Variants in KLHL29 observed in about 807,000 individuals in gnomAD.
The protein encoded by KLHL29 is kelch-like protein 29.
KLHL29 carries 21 observed loss-of-function variants against 80.4 expected under a neutral mutation model. That is an observed-to-expected ratio of 0.26 (90% confidence interval 0.19 to 0.38). The LOEUF is 0.38. Ranked by LOEUF, KLHL29 falls within the 10% of genes least tolerant of loss-of-function variation. KLHL29 has a pLI of 1.00. For missense variants in KLHL29, 867 were observed against 1,223.9 expected (o/e 0.71, Z 4.35); for synonymous variants, 511 against 526.8 (o/e 0.97, Z 0.41).
chr2:23,394,036 C>T (rs1019324521), intron 1 of KLHL29, among the ~76,000 whole-genome samples: 1 of 152,222 alleles, frequency 6.6e-6, no homozygotes, highest in Admixed American at 6.5e-5. Flanking sequence ...GACAAGAGGA[C>T]TCTGTGTCTC....
chr2:23,515,975 T>C (rs923060273), intron 2 of KLHL29, among the ~76,000 whole-genome samples: 7 of 152,224 alleles, frequency 4.6e-5, no homozygotes, highest in Non-Finnish European at 8.8e-5. Flanking sequence ...ATTAAAAAGA[T>C]AAATGAATCA....
intron 3 of KLHL29, among the ~76,000 whole-genome samples, chr2:23,579,841 G>A (rs1667936491): frequency 6.6e-6 from 1 of 152,130 alleles, no homozygotes; most frequent in Admixed American, 6.5e-5. Context: ...TTACATTTCA[G>A]CCAAATATCA....
chr2:23,590,687 C>T (rs1171789583), intron 3 of KLHL29, among the ~76,000 whole-genome samples: 1 of 152,156 alleles, frequency 6.6e-6, no homozygotes, highest in African/African-American at 2.4e-5. Flanking sequence ...GAAGTCCAGG[C>T]CACCTAGAAC....
intron 1 of KLHL29, among the ~76,000 whole-genome samples, chr2:23,414,124 G>A (rs1413750536): frequency 1.3e-5 from 2 of 152,260 alleles, no homozygotes; most frequent in African/African-American, 2.4e-5. Context: ...CATTTCAGAA[G>A]AAAGAGGCTG....
intron 1 of KLHL29, among the ~76,000 whole-genome samples, chr2:23,415,800 G>A (rs1022187269): frequency 6.6e-6 from 1 of 152,082 alleles, no homozygotes; most frequent in East Asian, 1.9e-4. Flanking sequence ...CTGGGCTCAG[G>A]CGATCCTCAC....
chr2:23,472,993 A>G (rs529357538), intron 1 of KLHL29, among the ~76,000 whole-genome samples: 12 of 152,358 alleles, frequency 7.9e-5, no homozygotes, highest in African/African-American at 2.4e-4. Flanking sequence ...AGAAACCATC[A>G]TAGCACAGTG....
intron 2 of KLHL29, among the ~76,000 whole-genome samples, chr2:23,528,888 G>A (rs867931128): frequency 2.0e-5 from 3 of 152,220 alleles, no homozygotes. Context: ...TGTGTGGTGT[G>A]GAAGGCCAAG....
chr2:23,668,853 A>C (rs1572480830), intron 5 of KLHL29: 1 of 151,450 alleles, frequency 6.6e-6, no homozygotes, highest in African/African-American at 2.4e-5. Flanking sequence ...CCTTCCCCTC[A>C]CCTCCACCCT....
At chr2:23,483,718 T>C (rs1664858172) in intron 2 of KLHL29, among the ~76,000 whole-genome samples, 1 of 152,182 alleles carries the variant, frequency 6.6e-6, no homozygotes, top group Admixed American at 6.5e-5. Flanking sequence ...AAGGGGTTCT[T>C]GTTGCCATTT....
intron 3 of KLHL29, among the ~76,000 whole-genome samples, chr2:23,637,258 A>G (rs1669637012): frequency 6.6e-6 from 1 of 152,174 alleles, no homozygotes; most frequent in African/African-American, 2.4e-5. Flanking sequence ...AGAGCCTGGA[A>G]ATACAGCGAA....
chr2:23,599,438 T>A (rs1359777206), intron 3 of KLHL29, among the ~76,000 whole-genome samples: 1 of 152,086 alleles, frequency 6.6e-6, no homozygotes, highest in East Asian at 1.9e-4. Context: ...CATTGACTCC[T>A]AAAGTAGTGA....
chr2:23,605,107 C>CTT (rs386389703), intron 3 of KLHL29, among the ~76,000 whole-genome samples: 2,290 of 92,392 alleles, frequency 0.025, 97 homozygotes, highest in African/African-American at 0.082. Context: ...TCCTTTGTTG[C>CTT]TTTTTTTTTT....
At chr2:23,429,146 A>G (rs1384309534) in intron 1 of KLHL29, among the ~76,000 whole-genome samples, 3 of 152,210 alleles carry the variant, frequency 2.0e-5, no homozygotes, top group Non-Finnish European at 4.4e-5. Flanking sequence ...ACATATGTTC[A>G]CATACACCCA....
intron 2 of KLHL29, among the ~76,000 whole-genome samples, chr2:23,547,939 G>A (rs952795996): frequency 6.6e-6 from 1 of 152,174 alleles, no homozygotes; most frequent in Non-Finnish European, 1.5e-5. Context: ...CAGCAATACA[G>A]AGGTGGCGCT....
chr2:23,543,571 C>T (rs567715308), intron 2 of KLHL29, among the ~76,000 whole-genome samples: 5 of 152,172 alleles, frequency 3.3e-5, no homozygotes, highest in Admixed American at 1.3e-4. Context: ...TACTGATTTC[C>T]GTGTTTCCTT....
At chr2:23,400,919 A>G (rs140609445) in intron 1 of KLHL29, among the ~76,000 whole-genome samples, 2 of 152,216 alleles carry the variant, frequency 1.3e-5, no homozygotes, top group Non-Finnish European at 1.5e-5. Context: ...ACATGATGCA[A>G]TCATAGGCAA....
intron 1 of KLHL29, among the ~76,000 whole-genome samples, chr2:23,416,448 T>G (rs1666985404): frequency 6.6e-6 from 1 of 152,182 alleles, no homozygotes; most frequent in Admixed American, 6.5e-5. Context: ...TACACCAAGG[T>G]CACCAGGGCA....
At chr2:23,579,918 C>T (rs1470167937) in intron 3 of KLHL29, among the ~76,000 whole-genome samples, 1 of 152,172 alleles carries the variant, frequency 6.6e-6, no homozygotes, top group Non-Finnish European at 1.5e-5. Flanking sequence ...CCTGGTTCTG[C>T]GCCAGGCAGA....
At chr2:23,511,209 C>A (rs570808736) in intron 2 of KLHL29, among the ~76,000 whole-genome samples, 1 of 151,966 alleles carries the variant, frequency 6.6e-6, no homozygotes, top group Non-Finnish European at 1.5e-5. Context: ...GGAGTGTGGC[C>A]CAGGATTTGA....
Sources: allele counts gnomAD v4.1 joint callset (sites outside exome capture counted in the v4.1 genomes callset), GRCh38; gene constraint gnomAD v4.1.1; transcripts MANE v1.5; gene names NCBI Gene and HGNC (gene_info 2026-07-23, HGNC 2026-07-21).